The following MTMR10 variants were observed in gnomAD, a reference collection of about 807,000 sequenced individuals.
MTMR10 encodes myotubularin related protein 10.
MTMR10 carries 56 observed loss-of-function variants against 88.1 expected under a neutral mutation model. The ratio of observed to expected loss-of-function variants is 0.64; its 90% CI spans 0.51 to 0.79. The LOEUF is 0.79. MTMR10 is among the 30% of genes least tolerant of loss of function. The probability of loss-of-function intolerance (pLI) is 0.00; values close to 1 mark genes in which losing one functional copy is unlikely to be tolerated. For synonymous variants in MTMR10, 380 were observed against 340.9 expected (o/e 1.11, Z -1.26); for missense variants, 883 against 924.7 (o/e 0.95, Z 0.58).
At chr15:30,926,918 T>C in the MTMR10 span, 2 of 985,458 alleles carry the variant, frequency 2.0e-6, no homozygotes, top group Non-Finnish European at 2.4e-6. Context: ...GGGAATTTTG[T>C]GTCAGAGCGA....
intron 14 of MTMR10, among the ~76,000 whole-genome samples, chr15:30,945,930 AG>A (rs2063164462): frequency 6.6e-6 from 1 of 152,208 alleles, no homozygotes; most frequent in Admixed American, 6.5e-5. Flanking sequence ...CTGGGACCAC[AG>A]GTGCGCACCA....
the MTMR10 span, among the ~76,000 whole-genome samples, chr15:30,924,882 T>C: frequency 1.6e-4 from 24 of 152,324 alleles, no homozygotes; most frequent in East Asian, 4.6e-3. Flanking sequence ...TGGGATCCAC[T>C]GTCCACCTGG....
At position 30,976,846 on chromosome 15, in the gene MTMR10, A is replaced by G; in HGVS notation, c.231T>C (p.Phe77=). 1.2e-6 allele frequency: 2 copies of G among 1,613,910 alleles called. No individual in the cohort carries two copies. The highest frequency in any genetic ancestry group is 1.7e-6 in the Non-Finnish European group (2 of 1,179,826). The change falls in exon 3 of 16, where the codon TTT becomes TTC. Residue 77 remains phenylalanine, a synonymous_variant. Transcript: ENST00000435680. ...KLICSNFKIS[F]ITDDPMPLQK... ...GTAATGGCATTGGGTCATCTGTAAT[A>G]AAGGAGATTTTGAAGTTACTGCATA...
At chr15:30,951,385 A>C (rs1383203872) in intron 12 of MTMR10, among the ~76,000 whole-genome samples, 2 of 152,234 alleles carry the variant, frequency 1.3e-5, no homozygotes, top group African/African-American at 2.4e-5. Flanking sequence ...AATTAACACT[A>C]AGTATTAATC....
In MTMR10 at chr15:30,943,673, G is replaced by GGAGT. The variant is rs1050208766; in HGVS notation, c.1549-605_1549-602dup. ...GTACACAGGAGACCCCTCCTTCACA[G>GGAGT]GAGTCCACCTCTAGCCCGGACTCTG... On this transcript the variant is annotated intron_variant, in intron 14 of 15. Coordinates refer to ENST00000435680, the MANE Select transcript of MTMR10 (RefSeq NM_017762.3). 3 of 985,434 alleles carry GGAGT rather than the reference G, an allele frequency of 3.0e-6. No individual in the cohort carries two copies. In the African/African-American group the frequency reaches 5.2e-5, roughly 17 times the overall value. 61.0% of individuals were successfully genotyped at this position (985,434 alleles called of 1,614,324 possible). A position where few individuals can be genotyped will look rare whatever the true frequency, so the allele number is the denominator to read the frequency against.
intron 2 of MTMR10, among the ~76,000 whole-genome samples, chr15:30,987,691 T>A (rs538129695): frequency 1.8e-4 from 27 of 150,142 alleles, no homozygotes; most frequent in African/African-American, 4.4e-4. Context: ...TTTTTTTTTT[T>A]ATTTTTTTTT....
At position 30,951,923 on chromosome 15, in the gene MTMR10, G is replaced by C. The variant is rs772901091; in HGVS notation, c.1207+45C>G. The C allele has an allele frequency of 4.9e-5, 75 of 1,523,156 alleles. No homozygotes were observed. The East Asian group carries it at 1.6e-3, about 33-fold the overall frequency. The allele number at this position is 1,523,156 out of a possible 1,614,324, so 94.4% of individuals were successfully genotyped here. ...TGGGGACAAGCAGTAAACCAAGGCTGGCTGGTATGGTGGTCATGGTGCTTT... is the reference window on the plus strand; with the variant it reads ...TGGGGACAAGCAGTAAACCAAGGCTCGCTGGTATGGTGGTCATGGTGCTTT... On this transcript the variant is annotated intron_variant, in intron 12 of 15. Transcript: ENST00000435680.
At chr15:30,921,690 CA>C in the MTMR10 span, among the ~76,000 whole-genome samples, 1 of 152,110 alleles carries the variant, frequency 6.6e-6, no homozygotes, top group Non-Finnish European at 1.5e-5. Context: ...TGGGGTAAAT[CA>C]TTCCATATTA....
At position 30,963,277 on chromosome 15, in the gene MTMR10, G is replaced by C. The variant is rs766422656; in HGVS notation, c.566-2204C>G. ...ACGGAGGGGCTATGTTAGGAATTTG[G>C]ACTCCTCTTAAGTGGTATCAGAATT... On this transcript the variant is annotated intron_variant, in intron 6 of 15. Transcript: ENST00000435680. Among the ~76,000 whole-genome samples the C allele has an allele frequency of 6.6e-5, 10 of 152,126 alleles. No individual in the cohort carries two copies. In the South Asian group the frequency reaches 8.3e-4, roughly 13 times the overall value.
chr15:30,927,098 A>C, the MTMR10 span: 2 of 938,582 alleles, frequency 2.1e-6, no homozygotes, highest in Non-Finnish European at 2.5e-6. Context: ...GATCACTTGA[A>C]CTCTGAAGAC....
chr15:30,954,624 A>G, intron 10 of MTMR10, 139 bp downstream of exon 10: 1 of 918,342 alleles, frequency 1.1e-6, no homozygotes, highest in African/African-American at 1.7e-5. Context: ...TCATACAATA[A>G]TATATAATTT....
At chr15:30,928,324 C>A in the MTMR10 span, 1 of 1,296,158 alleles carries the variant, frequency 7.7e-7, no homozygotes, top group Non-Finnish European at 9.7e-7. Flanking sequence ...TTGAATTTTT[C>A]TATGATTACT....
Position 30,940,055 on chromosome 15 carries a change from C to T in MTMR10, c.*1415G>A, listed in dbSNP as rs1261651765. ...AGGTAAAATACAGTTATCTTGAAAA[C>T]ACTTGTTTTAGAAAAGGAAATAAGC... is the stretch of plus-strand genomic sequence containing the variant. On this transcript the variant is annotated 3_prime_UTR_variant, in exon 16 of 16. Transcript: ENST00000435680. 4 of 980,710 alleles carry T rather than the reference C, an allele frequency of 4.1e-6. 1 individual carries two copies. In the South Asian group the frequency reaches 1.4e-4, roughly 35 times the overall value. The allele number at this position is 980,710 out of a possible 1,614,324, so 60.8% of individuals were successfully genotyped here.
chr15:30,954,678 A>G lies in MTMR10; in HGVS notation c.1066+85T>C, dbSNP rs538586593. 1.6e-4 allele frequency: 203 copies of G among 1,289,876 alleles called. No homozygotes were observed. In the African/African-American group the frequency reaches 2.8e-3, roughly 18 times the overall value. The allele number at this position is 1,289,876 out of a possible 1,614,324, so 79.9% of individuals were successfully genotyped here. On this transcript the variant is annotated intron_variant, in intron 10 of 15. Coordinates refer to ENST00000435680, the MANE Select transcript of MTMR10 (RefSeq NM_017762.3). ...ACTCCTTAAATATATCTATTTCTACATTTTTAAGAACATCACTTTTCCTGA... is the reference window on the plus strand; with the variant it reads ...ACTCCTTAAATATATCTATTTCTACGTTTTTAAGAACATCACTTTTCCTGA...
chr15:30,949,629 C>T (rs2063216127), intron 12 of MTMR10: 1 of 152,072 alleles, frequency 6.6e-6, no homozygotes, highest in Admixed American at 6.6e-5. Flanking sequence ...AAATATAAGA[C>T]TTACATAATA....
rs1442540041 is a variant in MTMR10 at position 30,946,900 on chromosome 15, G to A, written c.1548+230C>T. 6.7e-6 allele frequency: 4 copies of A among 594,800 alleles called. No homozygotes were observed. The South Asian group carries it at 7.0e-5, about 10-fold the overall frequency. 36.8% of individuals were successfully genotyped at this position (594,800 alleles called of 1,614,324 possible). A position where few individuals can be genotyped will look rare whatever the true frequency, so the allele number is the denominator to read the frequency against. ...TTAAAGTAATTTACATCTTTAAAGG[G>A]GTTTACTACAAAACATTTACATTAG... On this transcript the variant is annotated intron_variant, in intron 14 of 15. Transcript: ENST00000435680.
intron 1 of MTMR10, 58 bp downstream of exon 1, chr15:30,991,389 T>G: frequency 2.1e-6 from 3 of 1,405,984 alleles, no homozygotes; most frequent in Non-Finnish European, 2.8e-6. Context: ...GGGGTCGGCC[T>G]GGAGGCTCCA....
At chr15:30,947,814 G>C (rs1188892647) in intron 13 of MTMR10, among the ~76,000 whole-genome samples, 1 of 152,094 alleles carries the variant, frequency 6.6e-6, no homozygotes, top group African/African-American at 2.4e-5. Context: ...GGCGCTCTCT[G>C]AAACAACCTT....
chr15:30,973,573 G>A lies in MTMR10; in HGVS notation c.474+741C>T, dbSNP rs987276035. On this transcript the variant is annotated intron_variant, in intron 5 of 15. Coordinates refer to ENST00000435680, the MANE Select transcript of MTMR10 (RefSeq NM_017762.3). Reference sequence around the variant, plus strand: ...TGCCTCCATTCTGAGAGAAAGCCACGTCCTATTATACTAAGATACTGTTGC... The same window carrying A: ...TGCCTCCATTCTGAGAGAAAGCCACATCCTATTATACTAAGATACTGTTGC... 1.4e-4 allele frequency among the ~76,000 whole-genome samples: 21 copies of A among 152,010 alleles called. 1 individual carries two copies. Among genetic ancestry groups the A allele is most frequent in the African/African-American group, 4.1e-4 (17 of 41,396 alleles).
Sources: gnomAD v4.1 joint callset for allele counts (sites outside exome capture counted in the v4.1 genomes callset) on GRCh38, gnomAD v4.1.1 for gene constraint, MANE v1.5 for transcripts, NCBI Gene and HGNC (gene_info 2026-07-23, HGNC 2026-07-21) for gene names.